The following WDR70 variants were observed in gnomAD, a reference collection of about 807,000 sequenced individuals.
The protein encoded by WDR70 is WD repeat-containing protein 70.
WDR70 carries 53 observed loss-of-function variants against 88.6 expected under a neutral mutation model. The observed-to-expected ratio is 0.60, with a 90% CI of 0.48 to 0.75. WDR70 has a LOEUF of 0.75. WDR70 is among the 30% of genes least tolerant of loss of function. The probability of loss-of-function intolerance (pLI) is 0.00; values close to 1 mark genes in which losing one functional copy is unlikely to be tolerated. For synonymous variants in WDR70, 280 were observed against 270.0 expected (o/e 1.04, Z -0.36); for missense variants, 610 against 823.2 (o/e 0.74, Z 3.17).
At chr5:37,562,943 G>T (rs1458688293) in intron 9 of WDR70, among the ~76,000 whole-genome samples, 1 of 150,014 alleles carries the variant, frequency 6.7e-6, no homozygotes, top group East Asian at 2.0e-4. Context: ...ATCATGGCCC[G>T]TTCTCAATGA....
chr5:37,639,239 A>G (rs531178037), intron 10 of WDR70, among the ~76,000 whole-genome samples: 2 of 152,174 alleles, frequency 1.3e-5, no homozygotes, highest in Non-Finnish European at 2.9e-5. Flanking sequence ...ACACATTCTG[A>G]TCATGTGATT....
At chr5:37,388,137 T>G (rs1748684569) in intron 3 of WDR70, among the ~76,000 whole-genome samples, 3 of 152,048 alleles carry the variant, frequency 2.0e-5, no homozygotes, top group Admixed American at 2.0e-4. Flanking sequence ...TTCTTTTTCT[T>G]GAGACAGAGT....
At position 37,443,322 on chromosome 5, in the gene WDR70, T is replaced by G. The variant is rs933482887; in HGVS notation, c.636T>G (p.Ala212=). 6.2e-7 allele frequency: 1 copy of G among 1,613,860 alleles called. No individual in the cohort carries two copies. Among genetic ancestry groups the G allele is most frequent in the African/African-American group, 1.3e-5 (1 of 74,938 alleles). The change falls in exon 7 of 18, where the codon GCT becomes GCG. Residue 212 remains alanine, a synonymous_variant. Coordinates refer to ENST00000265107, the MANE Select transcript of WDR70 (RefSeq NM_018034.4). The part of the protein sequence containing the change: ...YDYDVKFWDF[A]GMDASFKAFR... ...ATGATGTTAAGTTTTGGGATTTTGC[T>G]GGAATGGATGCTTCTTTTAAGGCAT...
At chr5:37,564,014 C>T (rs957985046) in intron 9 of WDR70, among the ~76,000 whole-genome samples, 29 of 148,608 alleles carry the variant, frequency 2.0e-4, no homozygotes, top group Non-Finnish European at 1.9e-4. Context: ...GGATGGCGGC[C>T]GGGCAGAGAC....
intron 7 of WDR70, among the ~76,000 whole-genome samples, chr5:37,457,134 C>T (rs1018940503): frequency 1.1e-4 from 16 of 152,168 alleles, no homozygotes; most frequent in African/African-American, 3.1e-4. Context: ...CTTGCTCTGT[C>T]GCCTGGGCTG....
intron 8 of WDR70, among the ~76,000 whole-genome samples, chr5:37,489,408 C>G (rs556222838): frequency 1.8e-4 from 28 of 152,200 alleles, no homozygotes; most frequent in African/African-American, 6.5e-4. Context: ...GTAGCACACA[C>G]TGTTGTTAGT....
chr5:37,398,451 TATGAA>T (rs1389626071), intron 5 of WDR70, among the ~76,000 whole-genome samples: 1 of 152,146 alleles, frequency 6.6e-6, no homozygotes, highest in South Asian at 2.1e-4. Context: ...TAGTAATAAT[TATGAA>T]ATGAAATGAA....
chr5:37,426,548 C>T (rs1386886799), intron 5 of WDR70, among the ~76,000 whole-genome samples: 1 of 152,184 alleles, frequency 6.6e-6, no homozygotes, highest in Non-Finnish European at 1.5e-5. Context: ...ATGTTCACCA[C>T]GGCCTTACTT....
At chr5:37,493,365 C>T (rs1740124283) in intron 8 of WDR70, among the ~76,000 whole-genome samples, 1 of 152,126 alleles carries the variant, frequency 6.6e-6, no homozygotes, top group Non-Finnish European at 1.5e-5. Context: ...TCAGGGTCAG[C>T]AAAGGAGAAT....
chr5:37,697,703 A>T lies in WDR70; in HGVS notation c.1141A>T (p.Thr381Ser). 1 of 1,613,826 alleles carries T rather than the reference A, an allele frequency of 6.2e-7. No homozygotes were observed. The highest frequency in any genetic ancestry group is 8.5e-7 in the Non-Finnish European group (1 of 1,179,776). Reference sequence around the variant, plus strand: ...ACAGGCTCATGACTCGGGCACAGACACTTCTTGCGTGACTTTTTCCTATGA... The same window carrying T: ...ACAGGCTCATGACTCGGGCACAGACTCTTCTTGCGTGACTTTTTCCTATGA... ...YKQAHDSGTD[T>S]SCVTFSYDGN... Residue 381 changes from threonine to serine, a missense_variant, in exon 11 of 18, where the codon ACT becomes TCT. By Grantham distance (58) the Thr-to-Ser change is moderately conservative. Around this residue, in one of 4 missense-constraint regions of WDR70, gnomAD observed 254 missense variants for 300.7 expected, o/e 0.84. Transcript: ENST00000265107.
intron 10 of WDR70, among the ~76,000 whole-genome samples, chr5:37,665,847 G>C (rs1454312051): frequency 1.3e-5 from 2 of 152,190 alleles, no homozygotes; most frequent in Non-Finnish European, 2.9e-5. Flanking sequence ...GATAAGGTCA[G>C]CTCCAAGGAA....
At chr5:37,460,977 G>C (rs1158107494) in intron 7 of WDR70, among the ~76,000 whole-genome samples, 13 of 151,340 alleles carry the variant, frequency 8.6e-5, no homozygotes, top group Non-Finnish European at 1.6e-4. Flanking sequence ...TGCCATATTT[G>C]CTTCTTTTTT....
intron 5 of WDR70, among the ~76,000 whole-genome samples, chr5:37,416,560 G>A (rs183436101): frequency 4.2e-4 from 63 of 151,058 alleles, no homozygotes; most frequent in African/African-American, 1.5e-3. Flanking sequence ...AGAGGGAGAG[G>A]GAGAGGGCTT....
At chr5:37,607,950 G>C (rs760145490) in intron 10 of WDR70, among the ~76,000 whole-genome samples, 1 of 151,784 alleles carries the variant, frequency 6.6e-6, no homozygotes, top group African/African-American at 2.4e-5. Flanking sequence ...ATGTGAGAGA[G>C]GGGGAAAGAA....
At chr5:37,676,702 G>T (rs1438601560) in intron 10 of WDR70, among the ~76,000 whole-genome samples, 26 of 151,698 alleles carry the variant, frequency 1.7e-4, no homozygotes, top group African/African-American at 3.9e-4. Flanking sequence ...TCTCTTTTTT[G>T]GTTGTGTCTC....
chr5:37,432,184 A>T (rs1302232036), intron 5 of WDR70, among the ~76,000 whole-genome samples: 1 of 152,234 alleles, frequency 6.6e-6, no homozygotes, highest in East Asian at 1.9e-4. Flanking sequence ...TTGCACAAGG[A>T]TTCCAGTTTC....
chr5:37,751,506 T>C (rs1269638004), intron 17 of WDR70, among the ~76,000 whole-genome samples: 3 of 152,226 alleles, frequency 2.0e-5, no homozygotes, highest in African/African-American at 7.2e-5. Flanking sequence ...TTATGCTTTT[T>C]CCCCAGGATA....
chr5:37,744,316 T>C (rs1748577811), intron 17 of WDR70, among the ~76,000 whole-genome samples: 1 of 146,312 alleles, frequency 6.8e-6, no homozygotes, highest in African/African-American at 2.4e-5. Context: ...CTCATGAAGA[T>C]GAAAAAGAGT....
chr5:37,550,972 T>C (rs1188064278), intron 9 of WDR70, among the ~76,000 whole-genome samples: 3 of 152,162 alleles, frequency 2.0e-5, no homozygotes, highest in Admixed American at 2.0e-4. Flanking sequence ...CAGCTTAACG[T>C]TATTTGCATA....
Sources: allele counts gnomAD v4.1 joint callset (sites outside exome capture counted in the v4.1 genomes callset), GRCh38; gene constraint gnomAD v4.1.1; regional missense constraint gnomAD v4.1.1; transcripts MANE v1.5; gene names NCBI Gene and HGNC (gene_info 2026-07-23, HGNC 2026-07-21).